Variants in DHCR7 observed in about 807,000 individuals in gnomAD.
The protein encoded by DHCR7 is 7-dehydrocholesterol reductase, also known as 7-DHC reductase.
Under a neutral mutation model 43.3 loss-of-function variants are expected in DHCR7, and 40 were observed. That is an observed-to-expected ratio of 0.92 (90% CI 0.72 to 1.20). The LOEUF is 1.20. Among genes scored for constraint, DHCR7 ranks in the 50% most tolerant of loss-of-function variants. DHCR7 has a pLI of 0.00. For missense variants in DHCR7, 608 were observed against 644.6 expected (o/e 0.94, Z 0.62); for synonymous variants, 298 against 271.4 (o/e 1.10, Z -0.96).
chr11:71,439,526 A>G (rs1396599278), intron 6 of DHCR7, among the ~76,000 whole-genome samples: 1 of 152,232 alleles, frequency 6.6e-6, no homozygotes, highest in Non-Finnish European at 1.5e-5. Context: ...GTGGGCCCTC[A>G]TGGGTGAGTG....
chr11:71,448,968 T>C, upstream of DHCR7: 1 of 152,350 alleles, frequency 6.6e-6, no homozygotes, highest in Non-Finnish European at 1.5e-5. Flanking sequence ...GCCTGCTTAT[T>C]AGGGGGGCAC....
intron 8 of DHCR7, among the ~76,000 whole-genome samples, chr11:71,437,379 A>C (rs570352146): frequency 6.6e-6 from 1 of 152,284 alleles, no homozygotes; most frequent in East Asian, 1.9e-4. Context: ...ACTCTCCCCA[A>C]ATCAGAGCAG....
At position 71,435,585 on chromosome 11, in the gene DHCR7, G is replaced by C. The variant is rs1949268068; in HGVS notation, c.1218C>G (p.Phe406Leu). The C allele has an allele frequency of 5.6e-6, 9 of 1,608,842 alleles. No individual in the cohort carries two copies. The African/African-American group carries it at 8.0e-5, about 14-fold the overall frequency. The change falls in exon 9 of 9, where the codon TTC (phenylalanine) becomes TTG (leucine). Residue 406 changes from phenylalanine (F) to leucine (L), a missense_variant. Physicochemically the swap from Phe to Leu is conservative, Grantham distance 22 (BLOSUM62 0). Coordinates refer to ENST00000355527, the MANE Select transcript of DHCR7 (RefSeq NM_001360.3). ...TGCCCATCAGGTCGCCGACGTAGTT[G>C]AAGTGGCGGGCCACGCCCCAGAAGC... ...VSGFWGVARH[F>L]NYVGDLMGSL...
chr11:71,441,583 A>G, intron 5 of DHCR7, 143 bp from the exon 6 acceptor site: 1 of 729,962 alleles, frequency 1.4e-6, no homozygotes, highest in South Asian at 1.5e-5. Context: ...CCCAGGAACC[A>G]TCTCTGAGGC....
In DHCR7 at chr11:71,434,974, T is replaced by C. The variant is rs1256216413; in HGVS notation, c.*401A>G. The C allele has an allele frequency of 7.6e-6, 3 of 395,926 alleles. No individual in the cohort carries two copies. The highest frequency in any genetic ancestry group is 4.1e-5 in the African/African-American group (2 of 48,378). The allele number at this position is 395,926 out of a possible 1,614,324, so 24.5% of individuals were successfully genotyped here. On this transcript the variant is annotated 3_prime_UTR_variant, in exon 9 of 9. Transcript: ENST00000355527. ...AACGCGCACGCCCCACTCCCACTTTTATTTAGCAAGAGTAAATGCAGCCTA... is the reference window on the plus strand; with the variant it reads ...AACGCGCACGCCCCACTCCCACTTTCATTTAGCAAGAGTAAATGCAGCCTA...
intron 5 of DHCR7, 30 bp from the exon 6 acceptor site, chr11:71,441,470 G>T (rs542565312): frequency 6.4e-7 from 1 of 1,568,036 alleles, no homozygotes; most frequent in South Asian, 1.1e-5. Flanking sequence ...AAATGAAGGC[G>T]CTTTCCCAAC....
In DHCR7 at chr11:71,444,966, A is replaced by G. The variant is rs1949391302; in HGVS notation, c.-6-8T>C. 1 of 1,610,938 alleles carries G rather than the reference A, an allele frequency of 6.2e-7. No homozygotes were observed. Among genetic ancestry groups the G allele is most frequent in the African/African-American group, 1.3e-5 (1 of 74,978 alleles). ...TTTTGCAGCCATTGGGCCCTGCAAG[A>G]AAGAGAACCTTGCTTACATTATCCC... is the stretch of plus-strand genomic sequence containing the variant. On this transcript the variant is annotated splice_polypyrimidine_tract_variant and splice_region_variant and intron_variant, in intron 2 of 8. Coordinates refer to ENST00000355527, the MANE Select transcript of DHCR7 (RefSeq NM_001360.3).
intron 2 of DHCR7, 107 bp from the exon 3 acceptor site, chr11:71,445,065 C>T: frequency 1.1e-6 from 1 of 886,048 alleles, no homozygotes; most frequent in Non-Finnish European, 1.9e-6. Flanking sequence ...GCCTCCTGTG[C>T]ACATCTTCCC....
At chr11:71,446,196 G>C (rs1229412653) in intron 2 of DHCR7, among the ~76,000 whole-genome samples, 3 of 145,096 alleles carry the variant, frequency 2.1e-5, no homozygotes, top group East Asian at 4.2e-4. Context: ...ATTGATATAT[G>C]TGACAGCTCG....
chr11:71,446,694 T>A (rs1949407703), intron 2 of DHCR7, among the ~76,000 whole-genome samples: 1 of 152,268 alleles, frequency 6.6e-6, no homozygotes, highest in Admixed American at 6.5e-5. Context: ...AAAGACATTT[T>A]CCTTATGCAG....
chr11:71,437,835 G>C lies in DHCR7; in HGVS notation c.940C>G (p.Leu314Val). ...ACCTGCAGCGTGTAAAGATAAGGCA[G>C]CCAGACACAGTCGCCCCAGCCCAGG... The part of the protein sequence containing the change: ...WYLGWGDCVW[L>V]PYLYTLQGLY... The change falls in exon 8 of 9, where the codon CTG becomes GTG. Residue 314 changes from leucine (L) to valine (V), a missense_variant. By Grantham distance (32) the Leu-to-Val change is conservative (BLOSUM62 1). Transcript: ENST00000355527. 1 of 1,614,004 alleles carries C rather than the reference G, an allele frequency of 6.2e-7. No individual in the cohort carries two copies. Among genetic ancestry groups the C allele is most frequent in the Non-Finnish European group, 8.5e-7 (1 of 1,180,022 alleles).
At chr11:71,427,988 A>G (rs75981061), downstream of DHCR7, among the ~76,000 whole-genome samples, 15 of 152,308 alleles carry the variant, frequency 9.8e-5, no homozygotes, top group South Asian at 4.1e-4. Flanking sequence ...GCTCTTATCA[A>G]TTAGAGTGGT....
chr11:71,432,946 G>A (rs1185506938), downstream of DHCR7, among the ~76,000 whole-genome samples: 1 of 152,226 alleles, frequency 6.6e-6, no homozygotes, highest in Non-Finnish European at 1.5e-5. Flanking sequence ...TCTGAGAAAG[G>A]CCTCACCTCG....
At chr11:71,448,410 C>A (rs937398750), upstream of DHCR7, 1 of 152,378 alleles carries the variant, frequency 6.6e-6, no homozygotes, top group Non-Finnish European at 1.5e-5. Flanking sequence ...GGGGCGCCCG[C>A]CCCCGGATGA....
At chr11:71,433,844 G>C (rs998211074), downstream of DHCR7, among the ~76,000 whole-genome samples, 2 of 152,254 alleles carry the variant, frequency 1.3e-5, no homozygotes. Flanking sequence ...GTCCAGCACA[G>C]ATGCACGGGA....
Position 71,438,865 on chromosome 11 carries a change from G to A in DHCR7, c.831+14C>T, listed in dbSNP as rs1411319411. 1.1e-5 allele frequency: 17 copies of A among 1,613,170 alleles called. No homozygotes were observed. Among genetic ancestry groups the A allele is most frequent in the Non-Finnish European group, 1.4e-5 (17 of 1,179,776 alleles). On this transcript the variant is annotated intron_variant, in intron 7 of 8. Coordinates refer to ENST00000355527, the MANE Select transcript of DHCR7 (RefSeq NM_001360.3). ...CGGCATCGGCGTTTCACCCTCTCCA[G>A]CCATGACAGGCACCTGCAGGACGTT... is the stretch of plus-strand genomic sequence containing the variant.
At chr11:71,442,242 G>T (rs988719298) in intron 5 of DHCR7, 21 bp downstream of exon 5, 5 of 1,580,774 alleles carry the variant, frequency 3.2e-6, no homozygotes, top group Admixed American at 3.4e-5. Flanking sequence ...AGCCTGGGGA[G>T]GGTGGAAGGG....
At chr11:71,431,870 T>A (rs905817404), downstream of DHCR7, among the ~76,000 whole-genome samples, 3 of 152,232 alleles carry the variant, frequency 2.0e-5, no homozygotes, top group Non-Finnish European at 4.4e-5. Flanking sequence ...TGGCCCAGGC[T>A]GGAGTGCAAT....
At chr11:71,439,603 G>T (rs1949327735) in intron 6 of DHCR7, among the ~76,000 whole-genome samples, 1 of 152,224 alleles carries the variant, frequency 6.6e-6, no homozygotes, top group Non-Finnish European at 1.5e-5. Flanking sequence ...AGCATGTGCA[G>T]GACAAGTTCT....
Sources: gnomAD v4.1 joint callset for allele counts (sites outside exome capture counted in the v4.1 genomes callset) on GRCh38, gnomAD v4.1.1 for gene constraint, MANE v1.5 for transcripts, NCBI Gene and HGNC (gene_info 2026-07-23, HGNC 2026-07-21) for gene names.